The following CORO2B variants were observed in gnomAD, a reference collection of about 807,000 sequenced individuals.
CORO2B encodes coronin-2B.
Under a neutral mutation model 58.8 loss-of-function variants are expected in CORO2B, and 26 were observed. The observed-to-expected ratio is 0.44, with a 90% CI of 0.32 to 0.61. The LOEUF (loss-of-function observed/expected upper bound fraction) is 0.61. CORO2B is among the 20% of genes least tolerant of loss of function. CORO2B has a pLI of 0.04. For synonymous variants in CORO2B, 242 were observed against 253.8 expected, an observed-to-expected ratio of 0.95 and a Z score of 0.44; for missense variants, 460 against 645.1, an observed-to-expected ratio of 0.71 and a Z score of 3.11.
At chr15:68,686,638 C>T (rs1364873697) in intron 2 of CORO2B, among the ~76,000 whole-genome samples, 1 of 152,126 alleles carries the variant, frequency 6.6e-6, no homozygotes, top group Non-Finnish European at 1.5e-5. Context: ...GTGGCTCACG[C>T]CTGTAATCCC....
At chr15:68,560,319 G>A in the CORO2B span, among the ~76,000 whole-genome samples, 1 of 147,204 alleles carries the variant, frequency 6.8e-6, no homozygotes, top group African/African-American at 2.5e-5. Flanking sequence ...TTCTGAGACA[G>A]GTTCTCGCTC....
the CORO2B span, among the ~76,000 whole-genome samples, chr15:68,573,359 A>C: frequency 6.6e-6 from 1 of 152,086 alleles, no homozygotes; most frequent in Admixed American, 6.5e-5. Flanking sequence ...AGAGATGAGA[A>C]GGGCAGGAGG....
intron 1 of CORO2B, among the ~76,000 whole-genome samples, chr15:68,582,718 G>A (rs559248763): frequency 6.6e-6 from 1 of 152,152 alleles, no homozygotes; most frequent in Non-Finnish European, 1.5e-5. Context: ...CTTGCAACCC[G>A]CTTTGTACTG....
chr15:68,530,379 G>T, the CORO2B span, among the ~76,000 whole-genome samples: 1 of 151,974 alleles, frequency 6.6e-6, no homozygotes, highest in Non-Finnish European at 1.5e-5. Context: ...CTTTTTTATG[G>T]CACAGAAAAT....
chr15:68,525,973 G>A, the CORO2B span, among the ~76,000 whole-genome samples: 1 of 152,156 alleles, frequency 6.6e-6, no homozygotes. Context: ...CTGGAACACA[G>A]ATTTGTTATT....
chr15:68,666,816 A>G (rs566989040), intron 2 of CORO2B, among the ~76,000 whole-genome samples: 79 of 152,290 alleles, frequency 5.2e-4, no homozygotes, highest in African/African-American at 1.8e-3. Flanking sequence ...TGAGTCCCCA[A>G]AAATGATAAA....
At chr15:68,637,304 C>T (rs1396890413) in intron 1 of CORO2B, among the ~76,000 whole-genome samples, 1 of 152,176 alleles carries the variant, frequency 6.6e-6, no homozygotes, top group South Asian at 2.1e-4. Context: ...GCGAGCCCCT[C>T]GGGACTGTAG....
At chr15:68,533,304 T>C in the CORO2B span, among the ~76,000 whole-genome samples, 3 of 152,222 alleles carry the variant, frequency 2.0e-5, no homozygotes, top group Non-Finnish European at 4.4e-5. Flanking sequence ...GTGTGGATTC[T>C]GTTGCTGTAT....
At chr15:68,582,718 G>C (rs559248763) in intron 1 of CORO2B, among the ~76,000 whole-genome samples, 4 of 152,152 alleles carry the variant, frequency 2.6e-5, no homozygotes, top group African/African-American at 9.7e-5. Context: ...CTTGCAACCC[G>C]CTTTGTACTG....
intron 1 of CORO2B, among the ~76,000 whole-genome samples, chr15:68,604,148 G>A (rs192640296): frequency 3.7e-4 from 57 of 152,216 alleles, no homozygotes; most frequent in Admixed American, 1.5e-3. Context: ...GGCATGAGCC[G>A]CCCCTCGTCG....
the CORO2B span, among the ~76,000 whole-genome samples, chr15:68,541,720 C>T: frequency 6.6e-6 from 1 of 152,186 alleles, no homozygotes; most frequent in Non-Finnish European, 1.5e-5. Context: ...CCCGCATGAG[C>T]TTCTGGTGCT....
chr15:68,547,302 C>G, the CORO2B span, among the ~76,000 whole-genome samples: 1 of 152,102 alleles, frequency 6.6e-6, no homozygotes, highest in Non-Finnish European at 1.5e-5. Flanking sequence ...TAAAAAGACC[C>G]TGTAAAAATT....
At chr15:68,546,007 C>T in the CORO2B span, among the ~76,000 whole-genome samples, 1 of 152,200 alleles carries the variant, frequency 6.6e-6, no homozygotes, top group African/African-American at 2.4e-5. Context: ...CTCTGCCCTC[C>T]CCCTTTTGCC....
chr15:68,645,051 G>A lies in CORO2B; in HGVS notation c.16-109G>A, dbSNP rs1257490454. On this transcript the variant is annotated intron_variant, in intron 1 of 11. Coordinates refer to ENST00000261861, the MANE Select transcript of CORO2B (RefSeq NM_006091.5). The surrounding 1 kb of genome is among the most constrained non-coding windows in gnomAD (Gnocchi z 4.5). ...CTTCCTGACAGGGGACCCAGGGCCT[G>A]CTCACCTGCTGCACCTCTGAGCCGC... 8 of 1,132,738 alleles carry A rather than the reference G, an allele frequency of 7.1e-6. No homozygotes were observed. In the Admixed American group the frequency reaches 1.9e-4, roughly 27 times the overall value. 70.2% of individuals were successfully genotyped at this position (1,132,738 alleles called of 1,614,324 possible). A position where few individuals can be genotyped will look rare whatever the true frequency, so the allele number is the denominator to read the frequency against.
At chr15:68,711,488 ACC>A in intron 4 of CORO2B, 52 bp from the exon 5 acceptor site, 1 of 1,524,842 alleles carries the variant, frequency 6.6e-7, no homozygotes, top group Non-Finnish European at 8.9e-7. Flanking sequence ...GGGGACAAAC[ACC>A]CCAGGACCCT....
chr15:68,518,644 T>C, the CORO2B span, among the ~76,000 whole-genome samples: 1 of 152,158 alleles, frequency 6.6e-6, no homozygotes. Context: ...TGGGGCCTTC[T>C]GGGCATAGCT....
chr15:68,632,674 T>C (rs1450010213), intron 1 of CORO2B, among the ~76,000 whole-genome samples: 1 of 152,268 alleles, frequency 6.6e-6, no homozygotes, highest in Non-Finnish European at 1.5e-5. Flanking sequence ...CACTGCATCC[T>C]CCACCTCCCT....
At chr15:68,545,618 G>GC in the CORO2B span, among the ~76,000 whole-genome samples, 55 of 149,854 alleles carry the variant, frequency 3.7e-4, no homozygotes, top group African/African-American at 1.4e-3. Flanking sequence ...GGGGCGGGGG[G>GC]GGTAATACTG....
At chr15:68,589,353 C>A (rs1899643559) in intron 1 of CORO2B, among the ~76,000 whole-genome samples, 1 of 152,164 alleles carries the variant, frequency 6.6e-6, no homozygotes, top group Admixed American at 6.5e-5. Flanking sequence ...CTATGCATGC[C>A]AGTTAGAGTG....
Sources: allele counts gnomAD v4.1 joint callset (sites outside exome capture counted in the v4.1 genomes callset), GRCh38; gene constraint gnomAD v4.1.1; non-coding constraint Gnocchi (gnomAD v3.1); transcripts MANE v1.5; gene names NCBI Gene and HGNC (gene_info 2026-07-23, HGNC 2026-07-21).